The following MEF2C variants were observed in gnomAD, a reference collection of about 807,000 sequenced individuals.
MEF2C encodes the protein myocyte-specific enhancer factor 2C.
A neutral mutation model predicts 50.5 loss-of-function variants in MEF2C; 6 were observed. That is an observed-to-expected ratio of 0.12 (90% confidence interval 0.07 to 0.23). The LOEUF is 0.23. MEF2C is among the 10% of genes least tolerant of loss of function. MEF2C has a pLI of 1.00. For synonymous variants in MEF2C, 183 were observed against 228.0 expected, an observed-to-expected ratio of 0.80 and a Z score of 1.78; for missense variants, 276 against 605.0, an observed-to-expected ratio of 0.46 and a Z score of 5.70.
chr5:88,741,970 A>G (rs1767041700), intron 6 of MEF2C: 1 of 984,970 alleles, frequency 1.0e-6, no homozygotes, highest in Non-Finnish European at 1.2e-6. Flanking sequence ...TGATCTTTCA[A>G]ATATGATACT....
intron 1 of MEF2C, among the ~76,000 whole-genome samples, chr5:88,852,951 C>G (rs946478504): frequency 5.3e-5 from 8 of 151,524 alleles, no homozygotes; most frequent in African/African-American, 1.9e-4. Context: ...TAGCCAGACA[C>G]AGAGGCTCAT....
intron 1 of MEF2C, among the ~76,000 whole-genome samples, chr5:88,843,856 C>T (rs1056000721): frequency 1.4e-5 from 2 of 147,676 alleles, no homozygotes; most frequent in East Asian, 3.9e-4. Flanking sequence ...GTCACCCAGG[C>T]TGGAGTGCAG....
At chr5:88,854,225 A>G (rs1822434481) in intron 1 of MEF2C, among the ~76,000 whole-genome samples, 2 of 152,308 alleles carry the variant, frequency 1.3e-5, no homozygotes, top group African/African-American at 2.4e-5. Flanking sequence ...AATAGATACT[A>G]TTGCCATGGG....
intron 6 of MEF2C, chr5:88,741,999 C>A (rs969229254): frequency 3.0e-6 from 3 of 985,104 alleles, no homozygotes; most frequent in Admixed American, 1.2e-4. Flanking sequence ...ACTAAATATT[C>A]TTTGGATTGA....
intron 4 of MEF2C, among the ~76,000 whole-genome samples, chr5:88,754,351 G>A (rs1479714521): frequency 6.6e-6 from 1 of 152,164 alleles, no homozygotes; most frequent in African/African-American, 2.4e-5. Context: ...CAGATCTAGA[G>A]ATAGGAACAG....
intron 4 of MEF2C, among the ~76,000 whole-genome samples, chr5:88,760,504 T>C (rs1777357529): frequency 6.6e-6 from 1 of 152,218 alleles, no homozygotes; most frequent in Admixed American, 6.5e-5. Context: ...ATTTCATGTA[T>C]AGGGAGAGGG....
chr5:88,809,988 GTA>G (rs1049677406), intron 2 of MEF2C, among the ~76,000 whole-genome samples: 20 of 152,200 alleles, frequency 1.3e-4, no homozygotes, highest in African/African-American at 4.8e-4. Context: ...AAAGTTGGTT[GTA>G]TATGAGTTTT....
In MEF2C at chr5:88,879,742, T is replaced by C. The variant is rs139228584; in HGVS notation, c.-143+3213A>G. 4.4e-3 allele frequency among the ~76,000 whole-genome samples: 668 copies of C among 152,272 alleles called. 7 individuals carry two copies. Among genetic ancestry groups the C allele is most frequent in the African/African-American group, 0.015 (636 of 41,582 alleles). On this transcript the variant is annotated intron_variant, in intron 1 of 10. Coordinates refer to ENST00000504921, the MANE Select transcript of MEF2C (RefSeq NM_002397.5). ...TAAAAAAGGACATGTTTTCTCTTAC[T>C]TCACTACTGAAAGCCTGTCATTTGA...
chr5:88,785,661 C>T (rs1289304699), intron 3 of MEF2C: 1 of 152,044 alleles, frequency 6.6e-6, no homozygotes, highest in Non-Finnish European at 1.5e-5. Context: ...ACAGAGTTTC[C>T]TCTGTTAATT....
chr5:88,879,773 G>C (rs1356186614), intron 1 of MEF2C, among the ~76,000 whole-genome samples: 2 of 152,124 alleles, frequency 1.3e-5, no homozygotes, highest in African/African-American at 4.8e-5. Context: ...TTTGAAAACT[G>C]AATTTTCCAT....
intron 2 of MEF2C, among the ~76,000 whole-genome samples, chr5:88,820,649 T>C (rs566205331): frequency 6.6e-6 from 1 of 152,008 alleles, no homozygotes; most frequent in Non-Finnish European, 1.5e-5. Context: ...CAGTGAGCCA[T>C]TGCATGAGGT....
intron 1 of MEF2C, among the ~76,000 whole-genome samples, chr5:88,860,111 T>C (rs1450559999): frequency 6.6e-6 from 1 of 152,164 alleles, no homozygotes; most frequent in Non-Finnish European, 1.5e-5. Context: ...AAACCCTATG[T>C]TTCACAGGTA....
At chr5:88,780,689 A>G (rs2152865315) in intron 3 of MEF2C, 3 of 862,290 alleles carry the variant, frequency 3.5e-6, no homozygotes, top group Non-Finnish European at 4.2e-6. Context: ...ACTGTTAACA[A>G]TATCATCACA....
At chr5:88,874,002 CT>C (rs1215011255) in intron 1 of MEF2C, among the ~76,000 whole-genome samples, 1 of 151,794 alleles carries the variant, frequency 6.6e-6, no homozygotes, top group African/African-American at 2.4e-5. Context: ...AAAAGATCTA[CT>C]TTTTTAACCA....
At chr5:88,734,565 GTTTTTTTTTTT>G (rs66505441) in intron 6 of MEF2C, 776 of 541,830 alleles carry the variant, frequency 1.4e-3, no homozygotes, top group Middle Eastern at 3.5e-3. Context: ...AGAAAAGTTT[GTTTTTTTTTTT>G]TTTTTTTTTT....
intron 1 of MEF2C, among the ~76,000 whole-genome samples, chr5:88,871,553 T>A (rs1829519618): frequency 6.6e-6 from 1 of 151,976 alleles, no homozygotes; most frequent in Non-Finnish European, 1.5e-5. Flanking sequence ...TTCAAAAGCA[T>A]GATAACAATT....
chr5:88,762,746 C>T (rs893462893), intron 3 of MEF2C, among the ~76,000 whole-genome samples: 3 of 151,798 alleles, frequency 2.0e-5, no homozygotes, highest in Non-Finnish European at 2.9e-5. Context: ...CACCAAGATC[C>T]GTTATAAAGA....
chr5:88,786,486 G>A (rs1249440923), intron 3 of MEF2C, among the ~76,000 whole-genome samples: 10 of 152,114 alleles, frequency 6.6e-5, no homozygotes, highest in Admixed American at 1.3e-4. Context: ...CATCTGTAAA[G>A]TTAAACTAAC....
At chr5:88,775,657 T>A (rs924456369) in intron 3 of MEF2C, 9 of 194,236 alleles carry the variant, frequency 4.6e-5, no homozygotes, top group Non-Finnish European at 7.5e-5. Context: ...TATCCATATA[T>A]GAATCGACAG....
Sources: gnomAD v4.1 joint callset for allele counts (sites outside exome capture counted in the v4.1 genomes callset) on GRCh38, gnomAD v4.1.1 for gene constraint, MANE v1.5 for transcripts, NCBI Gene and HGNC (gene_info 2026-07-23, HGNC 2026-07-21) for gene names.